The following PCED1B variants were observed in gnomAD, a reference collection of about 807,000 sequenced individuals.
PCED1B encodes PC-esterase domain-containing protein 1B.
For missense variants in PCED1B, 573 were observed against 573.9 expected (o/e 1.00, Z 0.02); for synonymous variants, 251 against 246.1 (o/e 1.02, Z -0.19).
intron 1 of PCED1B, among the ~76,000 whole-genome samples, chr12:47,093,400 T>C (rs1215808760): frequency 6.6e-6 from 1 of 151,834 alleles, no homozygotes; most frequent in Non-Finnish European, 1.5e-5. Context: ...CTTCTTTAGA[T>C]TTTGATGTTT....
At position 47,104,792 on chromosome 12, in the gene PCED1B, G is replaced by A. The variant is rs185854096; in HGVS notation, c.-526+597G>A. 2.7e-3 allele frequency among the ~76,000 whole-genome samples: 416 copies of A among 152,280 alleles called. 6 individuals carry two copies. The highest frequency in any genetic ancestry group is 0.02 in the South Asian group (95 of 4,826). ...ACCCAGATGACCACACTTGGTGAGT[G>A]AAGGTGAAGCCACCCACAGCAGCCT... On this transcript the variant is annotated intron_variant, in intron 2 of 3. Coordinates refer to ENST00000546455, the MANE Select transcript of PCED1B (RefSeq NM_138371.3).
At chr12:47,182,345 G>GCA (rs1190063800) in intron 2 of PCED1B, among the ~76,000 whole-genome samples, 2 of 152,162 alleles carry the variant, frequency 1.3e-5, no homozygotes, top group Non-Finnish European at 2.9e-5. Flanking sequence ...TGTAATCCCA[G>GCA]CACGTTGGGA....
intron 2 of PCED1B, among the ~76,000 whole-genome samples, chr12:47,149,502 T>C (rs1251117335): frequency 1.3e-5 from 2 of 152,228 alleles, no homozygotes; most frequent in Non-Finnish European, 2.9e-5. Context: ...GTAAATGGCC[T>C]ACCTATAGGT....
Position 47,236,368 on chromosome 12 carries a change from C to G in PCED1B, c.*6C>G. 6.4e-7 allele frequency: 1 copy of G among 1,556,728 alleles called. No individual in the cohort carries two copies. Reference sequence around the variant, plus strand: ...CTGAGCCAAGGCCTCAATAGACGGACCTAGGCCTTATTTCCTCTTTATGAA... The same window carrying G: ...CTGAGCCAAGGCCTCAATAGACGGAGCTAGGCCTTATTTCCTCTTTATGAA... On this transcript the variant is annotated 3_prime_UTR_variant, in exon 4 of 4. Coordinates refer to ENST00000546455, the MANE Select transcript of PCED1B (RefSeq NM_138371.3).
intron 2 of PCED1B, among the ~76,000 whole-genome samples, chr12:47,139,121 T>C (rs143929408): frequency 8.9e-4 from 136 of 152,332 alleles, no homozygotes; most frequent in African/African-American, 3.2e-3. Context: ...AATAGTGACA[T>C]AATAGGTACT....
At chr12:47,149,606 TCA>T (rs2137444403) in intron 2 of PCED1B, among the ~76,000 whole-genome samples, 1 of 152,332 alleles carries the variant, frequency 6.6e-6, no homozygotes, top group South Asian at 2.1e-4. Context: ...AGGAGGAGTA[TCA>T]CAATCATTTT....
intron 2 of PCED1B, among the ~76,000 whole-genome samples, chr12:47,143,744 A>G (rs1940681732): frequency 6.6e-6 from 1 of 152,212 alleles, no homozygotes; most frequent in South Asian, 2.1e-4. Context: ...TTTACTTGTA[A>G]ACACAAAAGA....
At chr12:47,144,420 T>C (rs753597596) in intron 2 of PCED1B, among the ~76,000 whole-genome samples, 11 of 152,218 alleles carry the variant, frequency 7.2e-5, no homozygotes, top group Non-Finnish European at 1.6e-4. Flanking sequence ...TCCATACTAA[T>C]CTCCTTAACA....
intron 2 of PCED1B, among the ~76,000 whole-genome samples, chr12:47,142,136 A>G (rs1009649042): frequency 6.6e-6 from 1 of 152,148 alleles, no homozygotes; most frequent in Non-Finnish European, 1.5e-5. Flanking sequence ...AGGCCTACTG[A>G]CCAAAAACTT....
At chr12:47,117,899 G>T (rs1194693068) in intron 2 of PCED1B, among the ~76,000 whole-genome samples, 1 of 152,174 alleles carries the variant, frequency 6.6e-6, no homozygotes, top group Non-Finnish European at 1.5e-5. Context: ...TCTAACTGGT[G>T]TGAGATGGTA....
chr12:47,163,833 G>T (rs1244473588), intron 2 of PCED1B, among the ~76,000 whole-genome samples: 1 of 152,136 alleles, frequency 6.6e-6, no homozygotes, highest in East Asian at 1.9e-4. Context: ...GCTACATTCT[G>T]GCTAAAAACA....
At chr12:47,117,565 T>A (rs1426267378) in intron 2 of PCED1B, among the ~76,000 whole-genome samples, 3 of 152,202 alleles carry the variant, frequency 2.0e-5, no homozygotes, top group African/African-American at 2.4e-5. Flanking sequence ...CCATGGTGTA[T>A]ATGTGCCACA....
At chr12:47,080,002 G>A (rs1941946395) in intron 1 of PCED1B, 1 of 151,924 alleles carries the variant, frequency 6.6e-6, no homozygotes, top group Non-Finnish European at 1.5e-5. Context: ...CGCGCGATGC[G>A]GAGGGGGCGG....
At chr12:47,091,176 T>C (rs907827045) in intron 1 of PCED1B, among the ~76,000 whole-genome samples, 27 of 152,188 alleles carry the variant, frequency 1.8e-4, no homozygotes, top group Non-Finnish European at 3.7e-4. Flanking sequence ...ATAATTCTTA[T>C]TCCTTCACGT....
chr12:47,217,470 G>GAGGAAAGAA lies in PCED1B; in HGVS notation c.-58+783_-58+784insGAAAGAAAG, dbSNP rs1292085211. 3.6e-3 allele frequency among the ~76,000 whole-genome samples: 325 copies of GAGGAAAGAA among 90,920 alleles called. 13 individuals are homozygous for GAGGAAAGAA. The highest frequency in any genetic ancestry group is 0.015 in the African/African-American group (293 of 20,148). 59.6% of individuals were successfully genotyped at this position (90,920 alleles called of 152,430 possible). The stretch of plus-strand genomic sequence containing the variant: ...AAAGAAAGAAAGAAAAAGAAAGAAA[G>GAGGAAAGAA]AGAAAGAAAGAAAGAAAGAAAGAAA... On this transcript the variant is annotated intron_variant, in intron 3 of 3. Transcript: ENST00000546455.
chr12:47,204,168 C>T (rs1257973699), intron 2 of PCED1B, among the ~76,000 whole-genome samples: 2 of 152,102 alleles, frequency 1.3e-5, no homozygotes, highest in East Asian at 1.9e-4. Flanking sequence ...AAGCTGGTCT[C>T]GAACTCCTGA....
intron 3 of PCED1B, chr12:47,223,824 T>C (rs1426879376): frequency 2.6e-5 from 4 of 152,236 alleles, no homozygotes; most frequent in African/African-American, 9.6e-5. Context: ...AGGGGCCTAC[T>C]GTCTGGCAGG....
At chr12:47,118,099 G>A (rs897778790) in intron 2 of PCED1B, among the ~76,000 whole-genome samples, 3 of 151,778 alleles carry the variant, frequency 2.0e-5, no homozygotes, top group Admixed American at 6.6e-5. Flanking sequence ...CTGGATATTA[G>A]CCATTTGTAG....
rs1389135389 is a variant in PCED1B at position 47,191,730 on chromosome 12, T to C, written c.-525-24492T>C. ...CACCTGGGCTGCTCACCCTGAGGAATTGAGGCAGAATCGCTGAGGGTGCGG... is the reference window on the plus strand; with the variant it reads ...CACCTGGGCTGCTCACCCTGAGGAACTGAGGCAGAATCGCTGAGGGTGCGG... On this transcript the variant is annotated intron_variant, in intron 2 of 3. Transcript: ENST00000546455. Among the ~76,000 whole-genome samples the C allele has an allele frequency of 3.3e-5, 5 of 152,262 alleles. No individual in the cohort carries two copies. In the South Asian group the frequency reaches 6.2e-4, roughly 19 times the overall value.
Sources: allele counts gnomAD v4.1 joint callset (sites outside exome capture counted in the v4.1 genomes callset), GRCh38; gene constraint gnomAD v4.1.1; transcripts MANE v1.5; gene names NCBI Gene and HGNC (gene_info 2026-07-23, HGNC 2026-07-21).